ADGRV1: variants seen among roughly 807,000 people sequenced by gnomAD.
The protein encoded by ADGRV1 is adhesion G protein-coupled receptor V1, also known as G-protein coupled receptor 98.
In ADGRV1, 359 loss-of-function variants were observed where a neutral mutation model predicts 596.2. The ratio of observed to expected loss-of-function variants is 0.60; its 90% CI spans 0.55 to 0.66. ADGRV1 has a LOEUF of 0.66. ADGRV1 is among the 30% of genes least tolerant of loss of function. The pLI is 0.00. For synonymous variants in ADGRV1, 2,681 were observed against 2,679.2 expected, an observed-to-expected ratio of 1.00 and a Z score of -0.02; for missense variants, 7,274 against 7,575.6, an observed-to-expected ratio of 0.96 and a Z score of 1.48.
At chr5:91,105,424 A>G (rs1232036130) in intron 87 of ADGRV1, among the ~76,000 whole-genome samples, 2 of 152,176 alleles carry the variant, frequency 1.3e-5, no homozygotes, top group Non-Finnish European at 2.9e-5. Context: ...ACTGTTCTCC[A>G]TAGTGGTTGT....
At chr5:91,137,754 A>G (rs564704862) in intron 87 of ADGRV1, among the ~76,000 whole-genome samples, 3 of 152,306 alleles carry the variant, frequency 2.0e-5, no homozygotes, top group African/African-American at 7.2e-5. Context: ...ATTAGACTAC[A>G]TGAGTGGCCA....
chr5:91,000,496 C>T lies in ADGRV1; in HGVS notation c.18152+14974C>T, dbSNP rs191493716. 1.2e-3 allele frequency among the ~76,000 whole-genome samples: 189 copies of T among 152,150 alleles called. 1 individual carries two copies. Among genetic ancestry groups the T allele is most frequent in the African/African-American group, 4.4e-3 (182 of 41,540 alleles). ...TCCAGAAAGGTTGAAAATTTACAAT[C>T]GTAACATTTTTTGAAGGTACCAGTC... On this transcript the variant is annotated intron_variant, in intron 85 of 89. Coordinates refer to ENST00000405460, the MANE Select transcript of ADGRV1 (RefSeq NM_032119.4).
chr5:91,162,320 A>G (rs375535531), intron 89 of ADGRV1, among the ~76,000 whole-genome samples: 168 of 152,296 alleles, frequency 1.1e-3, no homozygotes, highest in African/African-American at 4.0e-3. Flanking sequence ...ATCATGTTTC[A>G]AGGGATAGCA....
In ADGRV1 at chr5:90,683,575, G is replaced by A. The variant is rs1745220486; in HGVS notation, c.5665-11G>A. ...CTCTTTTAATAGATTTTAATATTAA[G>A]TATTTTGTAGGTTATAAGACATCAT... On this transcript the variant is annotated splice_polypyrimidine_tract_variant and intron_variant, in intron 27 of 89. Coordinates refer to ENST00000405460, the MANE Select transcript of ADGRV1 (RefSeq NM_032119.4). The A allele has an allele frequency of 2.6e-6, 4 of 1,556,512 alleles. No homozygotes were observed. The highest frequency in any genetic ancestry group is 2.7e-5 in the African/African-American group (2 of 72,788).
At chr5:91,042,538 CT>C (rs569047186) in intron 85 of ADGRV1, among the ~76,000 whole-genome samples, 47 of 149,194 alleles carry the variant, frequency 3.2e-4, no homozygotes, top group East Asian at 9.8e-4. Flanking sequence ...AAGTCTCTCT[CT>C]TTTTTTTTTA....
At chr5:90,581,822 G>A (rs1758100231) in intron 1 of ADGRV1, among the ~76,000 whole-genome samples, 2 of 152,158 alleles carry the variant, frequency 1.3e-5, no homozygotes, top group South Asian at 2.1e-4. Context: ...GTGTTTTAAG[G>A]CTATTAAGTT....
chr5:90,610,881 T>G (rs138782529), intron 1 of ADGRV1, among the ~76,000 whole-genome samples: 79 of 152,128 alleles, frequency 5.2e-4, no homozygotes, highest in Admixed American at 1.9e-3. Flanking sequence ...TCCCCTTGGC[T>G]CTGTGGCTGT....
intron 21 of ADGRV1, among the ~76,000 whole-genome samples, chr5:90,668,757 C>G (rs1771987033): frequency 6.6e-6 from 1 of 152,098 alleles, no homozygotes; most frequent in South Asian, 2.1e-4. Flanking sequence ...TAGCGTGTAA[C>G]TGTACATTCT....
intron 85 of ADGRV1, among the ~76,000 whole-genome samples, chr5:91,059,865 T>C (rs1183484829): frequency 2.6e-5 from 4 of 152,192 alleles, no homozygotes; most frequent in Non-Finnish European, 5.9e-5. Context: ...AACTGTAACA[T>C]TGCAGGACAC....
Position 90,558,819 on chromosome 5 carries a change from G to A in ADGRV1, c.-77G>A. ...AGTGGTAGTAAGAATCAGCAGCGCG[G>A]GCAAGGAGTACGGACGGGAGTCAGA... On this transcript the variant is annotated 5_prime_UTR_variant, in exon 1 of 90. Coordinates refer to ENST00000405460, the MANE Select transcript of ADGRV1 (RefSeq NM_032119.4). The A allele has an allele frequency of 7.1e-7, 1 of 1,418,368 alleles. No individual in the cohort carries two copies. The highest frequency in any genetic ancestry group is 9.8e-7 in the Non-Finnish European group (1 of 1,024,806). 87.9% of individuals were successfully genotyped at this position (1,418,368 alleles called of 1,614,324 possible).
Position 90,703,779 on chromosome 5 carries a change from A to T in ADGRV1, c.8270A>T (p.Gln2757Leu). Reference sequence around the variant, plus strand: ...CTCAATTTTGCTAACTTTAGCGGACAACTTTTCTTTCCTGAGGTAATACTG... The same window carrying T: ...CTCAATTTTGCTAACTTTAGCGGACTACTTTTCTTTCCTGAGGTAATACTG... Reference protein sequence around the residue: ...LELNFANFSGQLFFPEGSLNT... With the variant: ...LELNFANFSGLLFFPEGSLNT... Residue 2757 changes from glutamine to leucine, a missense_variant, in exon 35 of 90, where the codon CAA becomes CTA. Transcript: ENST00000405460. 6.3e-7 allele frequency: 1 copy of T among 1,598,162 alleles called. No homozygotes were observed. The highest frequency in any genetic ancestry group is 8.5e-7 in the Non-Finnish European group (1 of 1,172,044).
chr5:90,610,196 A>G (rs753732640), intron 1 of ADGRV1, among the ~76,000 whole-genome samples: 1 of 151,988 alleles, frequency 6.6e-6, no homozygotes, highest in Non-Finnish European at 1.5e-5. Context: ...AACAGGATTT[A>G]GAATTTATTG....
chr5:90,662,016 G>T (rs2149491979), intron 21 of ADGRV1, among the ~76,000 whole-genome samples: 1 of 152,010 alleles, frequency 6.6e-6, no homozygotes, highest in South Asian at 2.1e-4. Context: ...CACAATCTCT[G>T]GCTAGGGGAG....
At chr5:90,734,994 T>G (rs540104970) in intron 50 of ADGRV1, among the ~76,000 whole-genome samples, 1 of 152,362 alleles carries the variant, frequency 6.6e-6, no homozygotes, top group African/African-American at 2.4e-5. Context: ...GTCCCTTCAT[T>G]TTGTGATTGT....
rs1795110081 is a variant in ADGRV1 at position 91,141,640 on chromosome 5, C to T, written c.18433-8390C>T. Among the ~76,000 whole-genome samples the T allele has an allele frequency of 2.0e-5, 3 of 152,250 alleles. No homozygotes were observed. The South Asian group carries it at 6.2e-4, about 32-fold the overall frequency. On this transcript the variant is annotated intron_variant, in intron 87 of 89. Transcript: ENST00000405460. ...AGATTAAATGCCTACTCTTCACATACCTGAAAAATATACAAATGCAGAAAT... is the reference window on the plus strand; with the variant it reads ...AGATTAAATGCCTACTCTTCACATATCTGAAAAATATACAAATGCAGAAAT...
chr5:91,028,903 A>C (rs1019809212), intron 85 of ADGRV1, among the ~76,000 whole-genome samples: 4 of 151,900 alleles, frequency 2.6e-5, no homozygotes, highest in Non-Finnish European at 5.9e-5. Flanking sequence ...CATGTGGCTA[A>C]GTTTTTTTTA....
intron 71 of ADGRV1, chr5:90,804,988 T>C (rs1195281133): frequency 9.7e-6 from 2 of 206,048 alleles, no homozygotes; most frequent in Non-Finnish European, 1.9e-5. Flanking sequence ...TTAAATGCCA[T>C]TTAACATATT....
chr5:91,127,857 C>G (rs1182422756), intron 87 of ADGRV1, among the ~76,000 whole-genome samples: 1 of 152,142 alleles, frequency 6.6e-6, no homozygotes, highest in African/African-American at 2.4e-5. Context: ...GCTTGTTAAC[C>G]CTTTCCAAAA....
chr5:91,059,401 C>A (rs928503410), intron 85 of ADGRV1, among the ~76,000 whole-genome samples: 2 of 152,138 alleles, frequency 1.3e-5, no homozygotes, highest in African/African-American at 4.8e-5. Flanking sequence ...CAGAATTATT[C>A]TAACCCATCA....
Sources: allele counts gnomAD v4.1 joint callset (sites outside exome capture counted in the v4.1 genomes callset), GRCh38; gene constraint gnomAD v4.1.1; transcripts MANE v1.5; gene names NCBI Gene and HGNC (gene_info 2026-07-23, HGNC 2026-07-21).